The following RASGRF2 variants were observed in gnomAD, a reference collection of about 807,000 sequenced individuals.
RASGRF2 encodes the protein ras-specific guanine nucleotide-releasing factor 2.
RASGRF2 carries 76 observed loss-of-function variants against 151.0 expected under a neutral mutation model. That is an observed-to-expected ratio of 0.50 (90% CI 0.42 to 0.61). RASGRF2 has a LOEUF of 0.61. RASGRF2 is among the 20% of genes least tolerant of loss of function. RASGRF2 has a pLI of 0.00. For missense variants in RASGRF2, 1,148 were observed against 1,564.6 expected (o/e 0.73, Z 4.49); for synonymous variants, 504 against 566.5 (o/e 0.89, Z 1.57).
chr5:81,202,148 G>A (rs1046800645), intron 19 of RASGRF2, among the ~76,000 whole-genome samples: 5 of 152,048 alleles, frequency 3.3e-5, no homozygotes, highest in African/African-American at 1.2e-4. Flanking sequence ...ACTCTATGTG[G>A]AAAGGGCAGC....
intron 4 of RASGRF2, among the ~76,000 whole-genome samples, chr5:81,071,472 C>T (rs1215882637): frequency 3.9e-5 from 6 of 152,136 alleles, no homozygotes; most frequent in Non-Finnish European, 8.8e-5. Flanking sequence ...GAATTCAGAT[C>T]AATTTTAGAG....
At chr5:80,970,690 A>G (rs911281612) in intron 1 of RASGRF2, among the ~76,000 whole-genome samples, 1 of 152,224 alleles carries the variant, frequency 6.6e-6, no homozygotes, top group South Asian at 2.1e-4. Context: ...GTCTCAGTTC[A>G]AATTTGGGGG....
At chr5:81,168,502 G>A (rs113196448) in intron 17 of RASGRF2, among the ~76,000 whole-genome samples, 19,880 of 151,532 alleles carry the variant, frequency 0.13, 1,428 homozygotes, top group South Asian at 0.22. Flanking sequence ...GTAGAGTTGG[G>A]GTTTCACCAT....
intron 1 of RASGRF2, among the ~76,000 whole-genome samples, chr5:80,995,695 T>TCCCCC (rs1561544188): frequency 9.3e-5 from 7 of 75,178 alleles, no homozygotes; most frequent in African/African-American, 3.1e-4. Context: ...CCCCCCCCCT[T>TCCCCC]TTTTTTTTTT....
intron 1 of RASGRF2, among the ~76,000 whole-genome samples, chr5:81,000,364 C>T (rs1233219870): frequency 1.3e-5 from 2 of 152,204 alleles, no homozygotes; most frequent in Admixed American, 6.5e-5. Context: ...GCCTCAGCCT[C>T]CTGAGTAGTT....
intron 9 of RASGRF2, among the ~76,000 whole-genome samples, chr5:81,089,269 A>G (rs569433371): frequency 6.6e-6 from 1 of 152,222 alleles, no homozygotes; most frequent in African/African-American, 2.4e-5. Context: ...TCTACAATTT[A>G]TCTCTAAAGG....
chr5:81,127,281 T>C (rs927593700), intron 17 of RASGRF2, 118 bp downstream of exon 17: 2 of 1,091,422 alleles, frequency 1.8e-6, no homozygotes, highest in African/African-American at 1.6e-5. Flanking sequence ...CCCAGCATTT[T>C]GGGAAGCCGA....
intron 1 of RASGRF2, chr5:81,019,371 G>A (rs553002994): frequency 8.5e-5 from 13 of 152,340 alleles, no homozygotes; most frequent in Admixed American, 1.3e-4. Context: ...TCCCCTGTGC[G>A]TTGAGATAAG....
chr5:81,009,448 G>A (rs1231854490), intron 1 of RASGRF2, among the ~76,000 whole-genome samples: 2 of 152,294 alleles, frequency 1.3e-5, no homozygotes, highest in South Asian at 4.2e-4. Flanking sequence ...TTGTTCAGTA[G>A]CTTATTATCA....
intron 1 of RASGRF2, among the ~76,000 whole-genome samples, chr5:81,028,033 G>T (rs942040077): frequency 6.6e-6 from 1 of 152,116 alleles, no homozygotes; most frequent in Non-Finnish European, 1.5e-5. Context: ...ACCATGGAGT[G>T]GGGGTGGGGA....
Position 81,008,646 on chromosome 5 carries a change from A to C in RASGRF2, c.289-34231A>C, listed in dbSNP as rs1411879718. On this transcript the variant is annotated intron_variant, in intron 1 of 26. Coordinates refer to ENST00000265080, the MANE Select transcript of RASGRF2 (RefSeq NM_006909.3). Reference sequence around the variant, plus strand: ...ACTTTCAAAAATAAGATGGTTGATAAAATAATGGATAAAATGGATTCCTCC... The same window carrying C: ...ACTTTCAAAAATAAGATGGTTGATACAATAATGGATAAAATGGATTCCTCC... Among the ~76,000 whole-genome samples the C allele has an allele frequency of 1.3e-5, 2 of 152,258 alleles. 1 individual carries two copies. The highest frequency in any genetic ancestry group is 3.9e-4 in the East Asian group (2 of 5,182).
intron 1 of RASGRF2, among the ~76,000 whole-genome samples, chr5:81,037,533 A>T (rs892394310): frequency 6.6e-6 from 1 of 152,004 alleles, no homozygotes. Flanking sequence ...CTTTGTGTGG[A>T]TCTTTAGTTA....
At chr5:81,207,705 C>T (rs1252820841) in intron 21 of RASGRF2, among the ~76,000 whole-genome samples, 2 of 152,216 alleles carry the variant, frequency 1.3e-5, no homozygotes, top group African/African-American at 2.4e-5. Flanking sequence ...AGTGAATGAT[C>T]AGGAATGCTG....
At chr5:81,003,991 G>T (rs1004093170) in intron 1 of RASGRF2, among the ~76,000 whole-genome samples, 1 of 152,160 alleles carries the variant, frequency 6.6e-6, no homozygotes, top group Non-Finnish European at 1.5e-5. Context: ...TACATCAGTG[G>T]TGCTAACAAG....
Position 81,070,575 on chromosome 5 carries a change from TA to T in RASGRF2, c.632del (p.Lys211ArgfsTer31). 1 of 1,604,330 alleles carries T rather than the reference TA, an allele frequency of 6.2e-7. No homozygotes were observed. Among genetic ancestry groups the T allele is most frequent in the Non-Finnish European group, 8.5e-7 (1 of 1,171,230 alleles). On this transcript the variant is annotated frameshift_variant, in exon 4 of 27. Coordinates refer to ENST00000265080, the MANE Select transcript of RASGRF2 (RefSeq NM_006909.3). LOFTEE classifies it high-confidence loss of function. ...ACGAAGATCCAGACATCAAGAAGAT[TA>T]AAAAGGTAGGGCCTGGAGGTTTCCA... ...EDEDPDIKKIKKVQSFMRGWL... is the reference protein window; with the variant it reads ...EDEDPDIKKIXKVQSFMRGWL...
chr5:81,207,264 G>A lies in RASGRF2; in HGVS notation c.2986G>A (p.Glu996Lys), dbSNP rs756906515. Reference sequence around the variant, plus strand: ...CTTGCAGACTGACTGCATGAAGGCCGAATGCTTTGAGTCCTTGTCGGCCAT... The same window carrying A: ...CTTGCAGACTGACTGCATGAAGGCCAAATGCTTTGAGTCCTTGTCGGCCAT... ...IIQMTDCMKA[E>K]CFESLSAMEL... is the part of the protein sequence containing the mutation. Residue 996 changes from glutamate to lysine, a missense_variant, in exon 21 of 27, where the codon GAA becomes AAA. Coordinates refer to ENST00000265080, the MANE Select transcript of RASGRF2 (RefSeq NM_006909.3). 4.3e-6 allele frequency: 7 copies of A among 1,614,066 alleles called. No homozygotes were observed. Among genetic ancestry groups the A allele is most frequent in the African/African-American group, 1.3e-5 (1 of 75,018 alleles).
In RASGRF2 at chr5:81,099,911, T is replaced by C. The variant is rs537730140; in HGVS notation, c.1755+4919T>C. Reference sequence around the variant, plus strand: ...TTGTCACTATTTTTCTTTTTTCTTTTTTTTTTTTTTTTTTGAGACAGAGTC... The same window carrying C: ...TTGTCACTATTTTTCTTTTTTCTTTCTTTTTTTTTTTTTTGAGACAGAGTC... On this transcript the variant is annotated intron_variant, in intron 12 of 26. Coordinates refer to ENST00000265080, the MANE Select transcript of RASGRF2 (RefSeq NM_006909.3). Among the ~76,000 whole-genome samples the C allele has an allele frequency of 1.8e-3, 217 of 118,656 alleles. 1 individual carries two copies. Among genetic ancestry groups the C allele is most frequent in the Non-Finnish European group, 2.7e-3 (151 of 55,202 alleles). 77.8% of individuals were successfully genotyped at this position (118,656 alleles called of 152,430 possible). A position where few individuals can be genotyped will look rare whatever the true frequency, so the allele number is the denominator to read the frequency against.
intron 2 of RASGRF2, among the ~76,000 whole-genome samples, chr5:81,064,745 C>G (rs1201306267): frequency 6.6e-6 from 1 of 152,140 alleles, no homozygotes; most frequent in African/African-American, 2.4e-5. Flanking sequence ...GAAATTCTTC[C>G]TTGTATAATT....
intron 19 of RASGRF2, among the ~76,000 whole-genome samples, chr5:81,206,260 T>C (rs959399626): frequency 6.6e-6 from 1 of 152,204 alleles, no homozygotes; most frequent in African/African-American, 2.4e-5. Context: ...ATGTATGAGA[T>C]TCAGGGCCAA....
Sources: allele counts gnomAD v4.1 joint callset (sites outside exome capture counted in the v4.1 genomes callset), GRCh38; gene constraint gnomAD v4.1.1; transcripts MANE v1.5; gene names NCBI Gene and HGNC (gene_info 2026-07-23, HGNC 2026-07-21).